GCNT1: variants seen among roughly 807,000 people sequenced by gnomAD.
The protein encoded by GCNT1 is beta-1,3-galactosyl-O-glycosyl-glycoprotein beta-1,6-N-acetylglucosaminyltransferase.
GCNT1 carries 16 observed loss-of-function variants against 26.2 expected under a neutral mutation model. That is an observed-to-expected ratio of 0.61 (90% CI 0.41 to 0.93). The LOEUF is 0.93. GCNT1 is among the 40% of genes least tolerant of loss of function. The pLI is 0.00. For missense variants in GCNT1, 477 were observed against 526.7 expected, an observed-to-expected ratio of 0.91 and a Z score of 0.92; for synonymous variants, 183 against 190.8, an observed-to-expected ratio of 0.96 and a Z score of 0.34.
chr9:76,428,349 A>G (rs1330154069), intron 1 of GCNT1, among the ~76,000 whole-genome samples: 6 of 151,656 alleles, frequency 4.0e-5, no homozygotes, highest in Non-Finnish European at 2.9e-5. Context: ...CTAAAATACA[A>G]GTAGTCATTA....
intron 1 of GCNT1, among the ~76,000 whole-genome samples, chr9:76,428,977 G>C (rs1405743401): frequency 6.6e-6 from 1 of 152,080 alleles, no homozygotes; most frequent in Admixed American, 6.6e-5. Flanking sequence ...TGGGATTACA[G>C]GCATGAGCCA....
At chr9:76,397,454 T>C in the GCNT1 span, among the ~76,000 whole-genome samples, 518 of 151,968 alleles carry the variant, frequency 3.4e-3, 4 homozygotes, top group Admixed American at 0.014. Context: ...ATTTTTTTTT[T>C]TTTTTTTGAA....
At chr9:76,450,553 C>T (rs1034693316) in intron 1 of GCNT1, among the ~76,000 whole-genome samples, 2 of 152,192 alleles carry the variant, frequency 1.3e-5, no homozygotes, top group Non-Finnish European at 2.9e-5. Context: ...TGTATTCCTA[C>T]ACCTTCATCT....
intron 1 of GCNT1, among the ~76,000 whole-genome samples, chr9:76,431,364 T>C (rs1485335037): frequency 1.3e-5 from 2 of 152,186 alleles, no homozygotes; most frequent in Non-Finnish European, 2.9e-5. Flanking sequence ...GGGGGTCCCA[T>C]GATCCACTCA....
chr9:76,396,569 C>G, the GCNT1 span, among the ~76,000 whole-genome samples: 1 of 151,952 alleles, frequency 6.6e-6, no homozygotes, highest in Non-Finnish European at 1.5e-5. Context: ...GGGCCTGGCA[C>G]AGTGGCTCAT....
At position 76,502,693 on chromosome 9, in the gene GCNT1, CAA is replaced by C; in HGVS notation, c.313_314del (p.Lys105GlufsTer10). On this transcript the variant is annotated frameshift_variant, in exon 4 of 4. Transcript: ENST00000376730. LOFTEE classifies it high-confidence loss of function. ...NMTSDCSSFI[K>X]RRKYIVEPLS... is the part of the protein sequence containing the mutation. The stretch of plus-strand genomic sequence containing the variant: ...TGACCAGTGACTGTTCTTCTTTCAT[CAA>C]GAGACGCAAATATATTGTAGAACCC... 1 of 1,614,122 alleles carries C rather than the reference CAA, an allele frequency of 6.2e-7. No individual in the cohort carries two copies. Among genetic ancestry groups the C allele is most frequent in the Non-Finnish European group, 8.5e-7 (1 of 1,179,980 alleles).
chr9:76,500,588 G>A (rs1405113487), intron 2 of GCNT1, among the ~76,000 whole-genome samples: 5 of 152,186 alleles, frequency 3.3e-5, no homozygotes, highest in African/African-American at 9.7e-5. Flanking sequence ...AATCTTCACA[G>A]TGGGGGAAAG....
At chr9:76,470,664 C>A (rs1824111422) in intron 2 of GCNT1, among the ~76,000 whole-genome samples, 1 of 150,306 alleles carries the variant, frequency 6.7e-6, no homozygotes, top group Non-Finnish European at 1.5e-5. Context: ...GTATACATGT[C>A]TTGTTTCTCT....
At chr9:76,475,557 G>C (rs923874436) in intron 2 of GCNT1, among the ~76,000 whole-genome samples, 1 of 152,190 alleles carries the variant, frequency 6.6e-6, no homozygotes, top group Non-Finnish European at 1.5e-5. Flanking sequence ...TTGAGTTCAT[G>C]CTAATTGAAT....
At chr9:76,451,549 C>A (rs1463316895) in intron 1 of GCNT1, among the ~76,000 whole-genome samples, 1 of 151,894 alleles carries the variant, frequency 6.6e-6, no homozygotes, top group East Asian at 1.9e-4. Flanking sequence ...GTTTAAGGGT[C>A]AGGTATCTTA....
chr9:76,405,845 C>G, the GCNT1 span, among the ~76,000 whole-genome samples: 2 of 152,276 alleles, frequency 1.3e-5, no homozygotes, highest in African/African-American at 4.8e-5. Flanking sequence ...TAAAGCTGCT[C>G]TAAACATCAA....
At chr9:76,438,207 A>G (rs991502704), upstream of GCNT1, among the ~76,000 whole-genome samples, 7 of 152,228 alleles carry the variant, frequency 4.6e-5, no homozygotes, top group African/African-American at 1.4e-4. Context: ...GGGAGACATA[A>G]TGCATCAATC....
intron 2 of GCNT1, among the ~76,000 whole-genome samples, chr9:76,484,874 C>A (rs558602227): frequency 6.6e-6 from 1 of 150,404 alleles, no homozygotes; most frequent in Non-Finnish European, 1.5e-5. Flanking sequence ...CTGCAACCTC[C>A]GCCTCCCAGA....
In GCNT1 at chr9:76,502,224, C is replaced by A; in HGVS notation, c.-143-15C>A. ...ATATATTTATTTATATTTATAATTG[C>A]TTCTTTTATTTCAGTGCTGCTCTTC... On this transcript the variant is annotated splice_polypyrimidine_tract_variant and intron_variant, in intron 3 of 3. Transcript: ENST00000376730. The A allele has an allele frequency of 6.4e-5, 21 of 328,184 alleles. No homozygotes were observed. Among genetic ancestry groups the A allele is most frequent in the Non-Finnish European group, 8.2e-5 (15 of 181,824 alleles). 20.3% of individuals were successfully genotyped at this position (328,184 alleles called of 1,614,324 possible). A position where few individuals can be genotyped will look rare whatever the true frequency, so the allele number is the denominator to read the frequency against.
chr9:76,441,462 G>C (rs946557428), upstream of GCNT1, among the ~76,000 whole-genome samples: 2 of 152,154 alleles, frequency 1.3e-5, no homozygotes, highest in African/African-American at 4.8e-5. Flanking sequence ...ATCAGGATTT[G>C]TTAAGGTTCC....
intron 2 of GCNT1, among the ~76,000 whole-genome samples, chr9:76,493,591 G>A (rs1824812708): frequency 6.6e-6 from 1 of 152,186 alleles, no homozygotes; most frequent in South Asian, 2.1e-4. Context: ...ATAACTGATA[G>A]CCTGGGGGTT....
upstream of GCNT1, among the ~76,000 whole-genome samples, chr9:76,415,479 A>C (rs182060763): frequency 6.6e-6 from 1 of 152,220 alleles, no homozygotes; most frequent in South Asian, 2.1e-4. Context: ...CTATGCATAC[A>C]TATGTAATTA....
At chr9:76,449,435 C>G (rs62564444) in intron 1 of GCNT1, among the ~76,000 whole-genome samples, 41,903 of 152,130 alleles carry the variant, frequency 0.28, 6,113 homozygotes, top group Non-Finnish European at 0.32. Flanking sequence ...ACAGCAGACA[C>G]AAGCAAAACT....
intron 2 of GCNT1, among the ~76,000 whole-genome samples, chr9:76,477,343 T>C (rs1453770429): frequency 1.3e-5 from 2 of 149,236 alleles, no homozygotes; most frequent in Admixed American, 6.7e-5. Context: ...CTTGCCAACA[T>C]GGTGAAACCC....
Sources: gnomAD v4.1 joint callset for allele counts (sites outside exome capture counted in the v4.1 genomes callset) on GRCh38, gnomAD v4.1.1 for gene constraint, MANE v1.5 for transcripts, NCBI Gene and HGNC (gene_info 2026-07-23, HGNC 2026-07-21) for gene names.